Variants in FRMD5 observed in about 807,000 individuals in gnomAD.
FRMD5 encodes the protein FERM domain-containing protein 5.
Under a neutral mutation model 69.0 loss-of-function variants are expected in FRMD5, and 20 were observed. The ratio of observed to expected loss-of-function variants is 0.29; its 90% CI spans 0.20 to 0.42. FRMD5 has a LOEUF of 0.42. Ranked by LOEUF, FRMD5 falls within the 10% of genes least tolerant of loss-of-function variation. The pLI is 1.00. For missense variants in FRMD5, 595 were observed against 708.6 expected, an observed-to-expected ratio of 0.84 and a Z score of 1.82; for synonymous variants, 271 against 260.1, an observed-to-expected ratio of 1.04 and a Z score of -0.40.
At chr15:43,999,796 ATGTG>A (rs1418585391) in intron 1 of FRMD5, among the ~76,000 whole-genome samples, 1 of 151,432 alleles carries the variant, frequency 6.6e-6, no homozygotes, top group Non-Finnish European at 1.5e-5. Flanking sequence ...TTGTATACAC[ATGTG>A]TGTGTATCTA....
intron 1 of FRMD5, among the ~76,000 whole-genome samples, chr15:44,138,321 G>A (rs910546011): frequency 1.3e-5 from 2 of 152,186 alleles, no homozygotes; most frequent in Non-Finnish European, 2.9e-5. Context: ...GATTCAAAGT[G>A]CAATCTCAGT....
chr15:44,115,962 G>C (rs770722719), intron 1 of FRMD5, among the ~76,000 whole-genome samples: 2 of 152,144 alleles, frequency 1.3e-5, no homozygotes, highest in Non-Finnish European at 2.9e-5. Context: ...ATAAGCAGCT[G>C]ACTGATCAAA....
intron 6 of FRMD5, among the ~76,000 whole-genome samples, chr15:43,903,971 T>C (rs925249447): frequency 6.6e-6 from 1 of 152,168 alleles, no homozygotes; most frequent in East Asian, 1.9e-4. Context: ...AAGGGGTCGC[T>C]ATTCCCTAAC....
At chr15:44,179,661 A>G (rs2077961651) in intron 1 of FRMD5, among the ~76,000 whole-genome samples, 1 of 152,216 alleles carries the variant, frequency 6.6e-6, no homozygotes. Context: ...CACATTAAAC[A>G]AACAACTTAT....
intron 1 of FRMD5, among the ~76,000 whole-genome samples, chr15:44,120,532 G>C (rs983564428): frequency 1.6e-4 from 7 of 43,150 alleles, no homozygotes; most frequent in Non-Finnish European, 4.7e-4. Flanking sequence ...GGGAAGAGTG[G>C]ATTTTTTTTT....
At chr15:44,041,302 T>C (rs1025927967) in intron 1 of FRMD5, among the ~76,000 whole-genome samples, 1 of 151,806 alleles carries the variant, frequency 6.6e-6, no homozygotes, top group Non-Finnish European at 1.5e-5. Flanking sequence ...AGACAGAAAA[T>C]TAACAAGGAT....
At chr15:44,096,861 T>C (rs2076561142) in intron 1 of FRMD5, among the ~76,000 whole-genome samples, 1 of 152,168 alleles carries the variant, frequency 6.6e-6, no homozygotes, top group African/African-American at 2.4e-5. Context: ...GGGGTACTAC[T>C]CACTGAAAAA....
intron 1 of FRMD5, among the ~76,000 whole-genome samples, chr15:44,151,089 C>A (rs1012497835): frequency 9.0e-6 from 1 of 110,870 alleles, no homozygotes; most frequent in Non-Finnish European, 2.2e-5. Flanking sequence ...AAGACTCTGT[C>A]TCAAAAAACA....
chr15:43,878,229 G>A (rs1220894067), intron 13 of FRMD5, among the ~76,000 whole-genome samples: 1 of 151,870 alleles, frequency 6.6e-6, no homozygotes, highest in South Asian at 2.1e-4. Context: ...GAGCCACCAC[G>A]CCCAGCCCCA....
At chr15:44,074,508 GTTT>G (rs535279705) in intron 1 of FRMD5, among the ~76,000 whole-genome samples, 5 of 147,830 alleles carry the variant, frequency 3.4e-5, no homozygotes, top group African/African-American at 1.2e-4. Flanking sequence ...TTTTTTTTTT[GTTT>G]TTTTTTTCTT....
chr15:43,900,841 A>T (rs1203427136), intron 7 of FRMD5, among the ~76,000 whole-genome samples: 1 of 150,970 alleles, frequency 6.6e-6, no homozygotes, highest in East Asian at 1.9e-4. Context: ...ATGGTCTTGA[A>T]CTCCTGACCT....
chr15:43,980,562 G>A (rs902921312), intron 1 of FRMD5, among the ~76,000 whole-genome samples: 5 of 152,128 alleles, frequency 3.3e-5, no homozygotes, highest in African/African-American at 9.7e-5. Context: ...TCCCTGGCTT[G>A]TGGTGCTAGA....
At position 43,874,049 on chromosome 15, in the gene FRMD5, G is replaced by A. The variant is rs2088244452; in HGVS notation, c.1549C>T (p.Leu517Phe). The change falls in exon 14 of 14, where the codon CTC (leucine) becomes TTC (phenylalanine). Residue 517 changes from leucine to phenylalanine, a missense_variant. Physicochemically the swap from Leu to Phe is conservative, Grantham distance 22. Coordinates refer to ENST00000417257, the MANE Select transcript of FRMD5 (RefSeq NM_032892.5). ...VTMGLLFVLL[L>F]LLIILTESDL... is the part of the protein sequence containing the mutation. ...GACTCGGTAAGGATGATCAGGAGGAGGAGCAAAACAAAGAGGAGTCCCATG... is the reference window on the plus strand; with the variant it reads ...GACTCGGTAAGGATGATCAGGAGGAAGAGCAAAACAAAGAGGAGTCCCATG... 1 of 1,614,100 alleles carries A rather than the reference G, an allele frequency of 6.2e-7. No homozygotes were observed. The highest frequency in any genetic ancestry group is 8.5e-7 in the Non-Finnish European group (1 of 1,180,052).
At chr15:44,125,608 G>A (rs544353550) in intron 1 of FRMD5, among the ~76,000 whole-genome samples, 95 of 152,248 alleles carry the variant, frequency 6.2e-4, no homozygotes, top group Middle Eastern at 6.8e-3. Context: ...GACATGAGAC[G>A]GGTGGCCTGA....
At chr15:44,181,875 C>G (rs1301932511) in intron 1 of FRMD5, among the ~76,000 whole-genome samples, 1 of 152,134 alleles carries the variant, frequency 6.6e-6, no homozygotes, top group Non-Finnish European at 1.5e-5. Context: ...TGCACTCCAG[C>G]CTCAGCAACA....
chr15:43,893,110 A>G (rs1370544360), intron 7 of FRMD5, among the ~76,000 whole-genome samples: 5 of 148,234 alleles, frequency 3.4e-5, no homozygotes, highest in Non-Finnish European at 5.9e-5. Flanking sequence ...TCTCAAAAAA[A>G]CAAAACAAAC....
chr15:44,121,950 G>T (rs1234472654), intron 1 of FRMD5, among the ~76,000 whole-genome samples: 2 of 135,240 alleles, frequency 1.5e-5, no homozygotes, highest in African/African-American at 5.7e-5. Context: ...AGCCAAGATT[G>T]CACCACTGCA....
At chr15:44,071,751 T>C (rs1893549222) in intron 1 of FRMD5, among the ~76,000 whole-genome samples, 1 of 152,246 alleles carries the variant, frequency 6.6e-6, no homozygotes, top group Non-Finnish European at 1.5e-5. Context: ...TGGACTCTTG[T>C]GTTATTCATT....
intron 1 of FRMD5, among the ~76,000 whole-genome samples, chr15:44,101,848 A>C (rs1039444640): frequency 6.6e-6 from 1 of 152,344 alleles, no homozygotes; most frequent in Middle Eastern, 3.4e-3. Flanking sequence ...CTTTTCAAAA[A>C]CACAGATTCC....
Sources: allele counts gnomAD v4.1 joint callset (sites outside exome capture counted in the v4.1 genomes callset), GRCh38; gene constraint gnomAD v4.1.1; transcripts MANE v1.5; gene names NCBI Gene and HGNC (gene_info 2026-07-23, HGNC 2026-07-21).